TSPAN11: variants seen among roughly 807,000 people sequenced by gnomAD.
TSPAN11 encodes tetraspanin 11.
Under a neutral mutation model 32.9 loss-of-function variants are expected in TSPAN11, and 29 were observed. The ratio of observed to expected loss-of-function variants is 0.88; its 90% CI spans 0.66 to 1.20. The LOEUF is 1.20. Ranked by LOEUF, TSPAN11 falls within the 50% of genes most tolerant of loss-of-function variation. TSPAN11 has a pLI of 0.00. For synonymous variants in TSPAN11, 140 were observed against 141.3 expected (o/e 0.99, Z 0.07); for missense variants, 283 against 329.1 (o/e 0.86, Z 1.08).
chr12:30,958,043 G>A (rs1168858391), intron 2 of TSPAN11, among the ~76,000 whole-genome samples: 2 of 152,016 alleles, frequency 1.3e-5, no homozygotes, highest in Non-Finnish European at 2.9e-5. Context: ...TGGTACAGAG[G>A]ACAGAATGAT....
downstream of TSPAN11, among the ~76,000 whole-genome samples, chr12:31,001,297 C>T (rs1939475621): frequency 1.3e-5 from 2 of 152,324 alleles, no homozygotes; most frequent in South Asian, 4.1e-4. Flanking sequence ...ACATCTCCTT[C>T]CACTCCTTGC....
chr12:31,013,945 G>T, the TSPAN11 span, among the ~76,000 whole-genome samples: 1 of 152,248 alleles, frequency 6.6e-6, no homozygotes, highest in Admixed American at 6.5e-5. Flanking sequence ...TAGGAAAAAA[G>T]AACATAGACT....
chr12:30,990,450 A>C (rs35077), intron 7 of TSPAN11, among the ~76,000 whole-genome samples: 147,658 of 152,352 alleles, frequency 0.97, 71,591 homozygotes, highest in African/African-American at 0.99. Flanking sequence ...GAGGTAGGGA[A>C]ACCTGCATGG....
chr12:31,015,230 G>A, the TSPAN11 span, among the ~76,000 whole-genome samples: 1 of 152,118 alleles, frequency 6.6e-6, no homozygotes, highest in African/African-American at 2.4e-5. This position sits in a 1 kb window ranked among gnomAD's most constrained non-coding sequence, Gnocchi z 4.9. Flanking sequence ...TACACAATGT[G>A]GTAAAAACTA....
chr12:30,996,836 A>G (rs980958182), downstream of TSPAN11, among the ~76,000 whole-genome samples: 1 of 152,200 alleles, frequency 6.6e-6, no homozygotes, highest in Non-Finnish European at 1.5e-5. Context: ...CCTGGCTGCA[A>G]AGGACAGCCA....
chr12:31,006,761 G>A, the TSPAN11 span, among the ~76,000 whole-genome samples: 2 of 152,248 alleles, frequency 1.3e-5, no homozygotes, highest in African/African-American at 2.4e-5. Flanking sequence ...TAGTGAGCCC[G>A]CACTTCAGAC....
intron 3 of TSPAN11, among the ~76,000 whole-genome samples, chr12:30,964,893 G>C (rs1938697010): frequency 1.3e-5 from 2 of 152,218 alleles, no homozygotes; most frequent in South Asian, 2.1e-4. Context: ...GTCTCCTAAA[G>C]TGAAGGCCCC....
At chr12:30,978,504 A>G in intron 3 of TSPAN11, 57 bp from the exon 4 acceptor site, 1 of 1,571,750 alleles carries the variant, frequency 6.4e-7, no homozygotes, top group African/African-American at 1.3e-5. Context: ...GTGGGGAAAC[A>G]TTTGTCATAG....
chr12:31,004,370 A>G, the TSPAN11 span, among the ~76,000 whole-genome samples: 1 of 151,920 alleles, frequency 6.6e-6, no homozygotes, highest in African/African-American at 2.4e-5. Flanking sequence ...GGCTTTCTGT[A>G]TTTCTTCTCT....
At chr12:30,950,617 A>G (rs1431347572) in intron 1 of TSPAN11, among the ~76,000 whole-genome samples, 6 of 152,200 alleles carry the variant, frequency 3.9e-5, no homozygotes, top group Non-Finnish European at 8.8e-5. Context: ...GAAAGAAACT[A>G]CAAGTTTGTC....
At chr12:30,936,966 A>G (rs1938057909) in intron 1 of TSPAN11, among the ~76,000 whole-genome samples, 4 of 152,250 alleles carry the variant, frequency 2.6e-5, no homozygotes, top group Admixed American at 6.5e-5. Flanking sequence ...AAGAAAGGAC[A>G]GTTTTGGAGA....
the TSPAN11 span, among the ~76,000 whole-genome samples, chr12:31,002,405 C>T: frequency 1.3e-5 from 2 of 152,290 alleles, no homozygotes; most frequent in South Asian, 4.1e-4. This position sits in a 1 kb window ranked among gnomAD's most constrained non-coding sequence, Gnocchi z 4.8. Context: ...TTAGCAATGA[C>T]CCAGGACAAG....
the TSPAN11 span, among the ~76,000 whole-genome samples, chr12:31,014,812 A>T: frequency 1.6e-4 from 25 of 152,180 alleles, no homozygotes; most frequent in African/African-American, 6.0e-4. Context: ...ATGTAGTAAT[A>T]TTTTTAGAAA....
chr12:30,984,552 C>CTTTTTTTTTTTTT (rs55772956), intron 7 of TSPAN11, among the ~76,000 whole-genome samples: 3 of 68,578 alleles, frequency 4.4e-5, no homozygotes, highest in East Asian at 4.7e-4. Flanking sequence ...TCGCTTTTTG[C>CTTTTTTTTTTTTT]TTTTTTTTTT....
chr12:31,001,237 C>T (rs1939474983), downstream of TSPAN11, among the ~76,000 whole-genome samples: 1 of 152,188 alleles, frequency 6.6e-6, no homozygotes, highest in African/African-American at 2.4e-5. Flanking sequence ...CAGATAGTCC[C>T]GCTTCACCCT....
chr12:31,011,499 C>A, the TSPAN11 span, among the ~76,000 whole-genome samples: 1 of 152,160 alleles, frequency 6.6e-6, no homozygotes, highest in African/African-American at 2.4e-5. Context: ...AAGGCACTCC[C>A]AAAATCAAAA....
intron 3 of TSPAN11, among the ~76,000 whole-genome samples, chr12:30,971,907 T>A (rs1048545788): frequency 2.6e-5 from 4 of 152,188 alleles, no homozygotes; most frequent in Admixed American, 2.6e-4. Flanking sequence ...TTTGGATCTA[T>A]AGTTTTAGAA....
At chr12:30,999,209 G>A (rs1939454595), downstream of TSPAN11, 1 of 152,148 alleles carries the variant, frequency 6.6e-6, no homozygotes, top group Non-Finnish European at 1.5e-5. Flanking sequence ...CTGCTATGGA[G>A]GCTGAGGTAG....
At chr12:30,926,911 C>T in intron 1 of TSPAN11, 115 bp downstream of exon 1, 2 of 1,281,580 alleles carry the variant, frequency 1.6e-6, no homozygotes, top group Non-Finnish European at 2.0e-6. Flanking sequence ...GCTAGACTGT[C>T]CCGAGCTTCC....
Sources: allele counts gnomAD v4.1 joint callset (sites outside exome capture counted in the v4.1 genomes callset), GRCh38; gene constraint gnomAD v4.1.1; non-coding constraint Gnocchi (gnomAD v3.1); transcripts MANE v1.5; gene names NCBI Gene and HGNC (gene_info 2026-07-23, HGNC 2026-07-21).